Variants in IPCEF1 observed in about 807,000 individuals in gnomAD.
The protein encoded by IPCEF1 is interaction protein for cytohesin exchange factors 1, also known as interactor protein for cytohesin exchange factors 1.
IPCEF1 carries 31 observed loss-of-function variants against 50.9 expected under a neutral mutation model. The ratio of observed to expected loss-of-function variants is 0.61; its 90% CI spans 0.46 to 0.82. The LOEUF is 0.82. IPCEF1 is among the 40% of genes least tolerant of loss of function. The pLI is 0.00. For missense variants in IPCEF1, 458 were observed against 514.0 expected (o/e 0.89, Z 1.05); for synonymous variants, 181 against 192.0 (o/e 0.94, Z 0.47).
Position 154,333,723 on chromosome 6 carries a change from GTATA to G in IPCEF1, c.-62+22945_-62+22948del, listed in dbSNP as rs751032327. On this transcript the variant is annotated intron_variant, in intron 1 of 11. Coordinates refer to ENST00000367220, the MANE Select transcript of IPCEF1 (RefSeq NM_001130700.2). ...TGCGTTTGTGTATATATGTGTGTAT[GTATA>G]TATGTGTATGTATATATATGTGTAT... 5.4e-4 allele frequency among the ~76,000 whole-genome samples: 81 copies of G among 151,326 alleles called. 1 individual carries two copies. The highest frequency in any genetic ancestry group is 4.2e-4 in the South Asian group (2 of 4,812).
At position 154,327,718 on chromosome 6, in the gene IPCEF1, G is replaced by A. The variant is rs551233880; in HGVS notation, c.-62+28954C>T. On this transcript the variant is annotated intron_variant, in intron 1 of 11. Coordinates refer to ENST00000367220, the MANE Select transcript of IPCEF1 (RefSeq NM_001130700.2). ...CATTTGACCCAGCAATCCCATTACT[G>A]GGTATGTACCCAAAGGAATAGAAAT... is the stretch of plus-strand genomic sequence containing the variant. 7.2e-4 allele frequency among the ~76,000 whole-genome samples: 110 copies of A among 152,238 alleles called. 1 individual carries two copies. Among genetic ancestry groups the A allele is most frequent in the African/African-American group, 2.4e-3 (99 of 41,558 alleles).
At chr6:154,193,124 C>G (rs755843393) in intron 10 of IPCEF1, among the ~76,000 whole-genome samples, 1 of 152,250 alleles carries the variant, frequency 6.6e-6, no homozygotes, top group Non-Finnish European at 1.5e-5. Flanking sequence ...GCCCAGATGC[C>G]CATCAGTCAA....
chr6:154,168,411 T>TCCCTGCATGCATGTC lies in IPCEF1; in HGVS notation c.911-313_911-299dup, dbSNP rs1799607263. Among the ~76,000 whole-genome samples, 2 of 152,040 alleles carry TCCCTGCATGCATGTC rather than the reference T, an allele frequency of 1.3e-5. No individual in the cohort carries two copies. On this transcript the variant is annotated intron_variant, in intron 10 of 11. Transcript: ENST00000367220. The surrounding 1 kb of genome is among the most constrained non-coding windows in gnomAD (Gnocchi z 4.1). ...TAACTCCAATATTCACATGGGGTGT[T>TCCCTGCATGCATGTC]CCCTGCATGCATGTCTCTGTGTCCA...
chr6:154,215,919 A>T (rs1183174888), intron 7 of IPCEF1, among the ~76,000 whole-genome samples: 1 of 152,242 alleles, frequency 6.6e-6, no homozygotes, highest in Non-Finnish European at 1.5e-5. Flanking sequence ...ACTCAAACAC[A>T]GGAAAATATT....
intron 9 of IPCEF1, among the ~76,000 whole-genome samples, chr6:154,205,203 G>A (rs1260957953): frequency 1.3e-5 from 2 of 152,050 alleles, no homozygotes; most frequent in African/African-American, 4.8e-5. Flanking sequence ...TTACTGCATT[G>A]TCCCTCTTCC....
At chr6:154,221,063 C>T (rs1222600877) in intron 7 of IPCEF1, among the ~76,000 whole-genome samples, 194 bp downstream of exon 7, 1 of 152,204 alleles carries the variant, frequency 6.6e-6, no homozygotes, top group Non-Finnish European at 1.5e-5. Flanking sequence ...CACTTTGATA[C>T]ATGTAATTCT....
intron 7 of IPCEF1, 90 bp from the exon 8 acceptor site, chr6:154,214,366 A>T: frequency 1.1e-6 from 1 of 896,066 alleles, no homozygotes; most frequent in South Asian, 1.3e-5. Flanking sequence ...AAATTAGGTC[A>T]TGATTCTACC....
intron 5 of IPCEF1, among the ~76,000 whole-genome samples, chr6:154,244,748 A>G (rs925895787): frequency 6.6e-6 from 1 of 152,210 alleles, no homozygotes; most frequent in African/African-American, 2.4e-5. Flanking sequence ...CTTCCTTTAA[A>G]TTCTATGAAG....
rs149277023 is a variant in IPCEF1, at chr6:154,272,462, T to C, written c.-17-6498A>G. Among the ~76,000 whole-genome samples the C allele has an allele frequency of 2.4e-3, 359 of 152,342 alleles. 3 individuals carry two copies. The highest frequency in any genetic ancestry group is 8.4e-3 in the African/African-American group (350 of 41,578). On this transcript the variant is annotated intron_variant, in intron 2 of 11. Coordinates refer to ENST00000367220, the MANE Select transcript of IPCEF1 (RefSeq NM_001130700.2). ...ATCTCAGTCATATTTAAAACAGTTA[T>C]CTTCTTTAAAGAACAATTTCTTAAC...
chr6:154,213,909 C>A (rs1183128758), intron 8 of IPCEF1, among the ~76,000 whole-genome samples: 1 of 152,164 alleles, frequency 6.6e-6, no homozygotes, highest in Non-Finnish European at 1.5e-5. Flanking sequence ...TCATGTCTAT[C>A]AGTAAGAATT....
At chr6:154,268,022 G>A (rs1366905915) in intron 2 of IPCEF1, among the ~76,000 whole-genome samples, 1 of 152,230 alleles carries the variant, frequency 6.6e-6, no homozygotes, top group African/African-American at 2.4e-5. Context: ...CAGTTGGTGG[G>A]ACTGGCAGCC....
chr6:154,228,373 T>C (rs2128623358), intron 5 of IPCEF1, among the ~76,000 whole-genome samples: 2 of 152,286 alleles, frequency 1.3e-5, no homozygotes, highest in Non-Finnish European at 2.9e-5. Context: ...AATCCTGATG[T>C]AATAAAAAAC....
chr6:154,191,691 CAA>C, intron 10 of IPCEF1, among the ~76,000 whole-genome samples: 1 of 151,134 alleles, frequency 6.6e-6, no homozygotes, highest in South Asian at 2.1e-4. Flanking sequence ...ACAACAACAA[CAA>C]CAACAACAAC....
chr6:154,189,133 A>T (rs1227159532), intron 10 of IPCEF1, among the ~76,000 whole-genome samples: 1 of 152,184 alleles, frequency 6.6e-6, no homozygotes, highest in Non-Finnish European at 1.5e-5. Context: ...AAAACAAAAA[A>T]ACACCTATAA....
Position 154,293,830 on chromosome 6 carries a change from A to G in IPCEF1, c.-61-4074T>C, listed in dbSNP as rs1485483902. On this transcript the variant is annotated intron_variant, in intron 1 of 11. Transcript: ENST00000367220. ...TACAGTAAAGGAAGTTGCACTGATG[A>G]TTGTGCTTAAATATATAAATTGGGG... 2.6e-5 allele frequency among the ~76,000 whole-genome samples: 4 copies of G among 152,224 alleles called. No homozygotes were observed. The East Asian group carries it at 7.7e-4, about 29-fold the overall frequency.
At chr6:154,261,120 G>T (rs142985522) in intron 3 of IPCEF1, among the ~76,000 whole-genome samples, 2 of 151,990 alleles carry the variant, frequency 1.3e-5, no homozygotes, top group Non-Finnish European at 2.9e-5. Flanking sequence ...CTGCAGCCTC[G>T]ATCTCCTGGG....
At chr6:154,276,055 G>T (rs1181398091) in intron 2 of IPCEF1, among the ~76,000 whole-genome samples, 5 of 152,038 alleles carry the variant, frequency 3.3e-5, no homozygotes, top group Admixed American at 6.6e-5. Flanking sequence ...ATGGTGGCAG[G>T]TGCCTGTAAT....
chr6:154,355,792 T>C (rs1231213008), intron 1 of IPCEF1, among the ~76,000 whole-genome samples: 2 of 151,748 alleles, frequency 1.3e-5, no homozygotes, highest in African/African-American at 4.8e-5. Context: ...CCCGGCATTC[T>C]ATTTTCTATT....
intron 1 of IPCEF1, among the ~76,000 whole-genome samples, chr6:154,314,884 CTTTTT>C (rs11367569): frequency 1.4e-5 from 2 of 138,058 alleles, no homozygotes; most frequent in South Asian, 2.4e-4. Context: ...AGTGTGATTA[CTTTTT>C]TTTTTTTTTT....
Sources: gnomAD v4.1 joint callset for allele counts (sites outside exome capture counted in the v4.1 genomes callset) on GRCh38, gnomAD v4.1.1 for gene constraint, Gnocchi (gnomAD v3.1) non-coding constraint, MANE v1.5 for transcripts, NCBI Gene and HGNC (gene_info 2026-07-23, HGNC 2026-07-21) for gene names.